Variants in ZNF618 observed in about 807,000 individuals in gnomAD.
ZNF618 encodes the protein neural precursor cell expressed, developmentally down-regulated 10.
In ZNF618, 34 loss-of-function variants were observed where a neutral mutation model predicts 103.0. That is an observed-to-expected ratio of 0.33 (90% CI 0.25 to 0.44). The LOEUF is 0.44. Among genes scored for constraint, ZNF618 ranks in the 20% least tolerant of loss-of-function variants. The probability of loss-of-function intolerance (pLI) is 1.00; values close to 1 mark genes in which losing one functional copy is unlikely to be tolerated. For missense variants in ZNF618, 1,059 were observed against 1,295.4 expected (o/e 0.82, Z 2.80); for synonymous variants, 551 against 542.2 (o/e 1.02, Z -0.23).
At chr9:114,002,733 G>A (rs1841364352) in intron 6 of ZNF618, 71 bp downstream of exon 6, 1 of 1,549,802 alleles carries the variant, frequency 6.5e-7, no homozygotes, top group Non-Finnish European at 8.8e-7. Flanking sequence ...GGAGCTGCTT[G>A]TCCCCTCCCC....
At chr9:114,048,592 C>G in intron 14 of ZNF618, 59 bp from the exon 15 acceptor site, 1 of 1,527,830 alleles carries the variant, frequency 6.5e-7, no homozygotes, top group Non-Finnish European at 8.9e-7. Flanking sequence ...AGGCTACTGC[C>G]ACTCCAAGCA....
chr9:113,934,862 C>T (rs978376968), intron 1 of ZNF618, among the ~76,000 whole-genome samples: 5 of 152,180 alleles, frequency 3.3e-5, no homozygotes, highest in South Asian at 2.1e-4. Flanking sequence ...GGCTGGGGAC[C>T]GCCAGAGTAT....
chr9:113,905,342 A>C (rs1377240335), intron 1 of ZNF618, among the ~76,000 whole-genome samples: 1 of 152,142 alleles, frequency 6.6e-6, no homozygotes, highest in Non-Finnish European at 1.5e-5. Flanking sequence ...GAGGCTTGCT[A>C]TTCAGCCTTG....
chr9:114,001,853 T>C (rs1043415496), intron 4 of ZNF618, 143 bp from the exon 5 acceptor site: 2 of 735,810 alleles, frequency 2.7e-6, no homozygotes, highest in Admixed American at 3.9e-5. Context: ...TCGTGACTTC[T>C]AGCTCGGTGC....
At chr9:113,934,085 A>C (rs1415644605) in intron 1 of ZNF618, among the ~76,000 whole-genome samples, 1 of 152,168 alleles carries the variant, frequency 6.6e-6, no homozygotes, top group Non-Finnish European at 1.5e-5. Context: ...CTGATTGATC[A>C]GAGTCAGATG....
chr9:114,045,729 A>G (rs1456571647), intron 13 of ZNF618, among the ~76,000 whole-genome samples: 1 of 152,022 alleles, frequency 6.6e-6, no homozygotes, highest in Non-Finnish European at 1.5e-5. Flanking sequence ...TTTCAGGATC[A>G]GCTTGTCAGT....
chr9:113,971,582 A>C (rs1837971287), intron 2 of ZNF618, among the ~76,000 whole-genome samples: 1 of 151,836 alleles, frequency 6.6e-6, no homozygotes, highest in Non-Finnish European at 1.5e-5. Flanking sequence ...AGCACCACCC[A>C]CCCCTCGTCA....
At chr9:113,913,050 A>T (rs1831703405) in intron 1 of ZNF618, among the ~76,000 whole-genome samples, 1 of 152,048 alleles carries the variant, frequency 6.6e-6, no homozygotes, top group Admixed American at 6.6e-5. Flanking sequence ...CTGTCAGGGC[A>T]AGTGATCTAT....
At chr9:113,914,716 A>G (rs1404406010) in intron 1 of ZNF618, among the ~76,000 whole-genome samples, 1 of 152,226 alleles carries the variant, frequency 6.6e-6, no homozygotes, top group Non-Finnish European at 1.5e-5. Context: ...GGGTGTAACA[A>G]GATAGAGAGG....
At chr9:113,969,022 A>G (rs1837696389) in intron 1 of ZNF618, 95 bp from the exon 2 acceptor site, 1 of 1,394,924 alleles carries the variant, frequency 7.2e-7, no homozygotes, top group Non-Finnish European at 1.0e-6. Flanking sequence ...CACAGTGTGA[A>G]GGCTGGTATT....
chr9:113,977,623 G>C (rs1838601320), intron 2 of ZNF618, among the ~76,000 whole-genome samples: 1 of 152,182 alleles, frequency 6.6e-6, no homozygotes, highest in African/African-American at 2.4e-5. Flanking sequence ...TGGCCCCTCA[G>C]AGAACAGTGT....
At chr9:114,001,016 G>T (rs1841145477) in intron 4 of ZNF618, among the ~76,000 whole-genome samples, 1 of 152,200 alleles carries the variant, frequency 6.6e-6, no homozygotes, top group Non-Finnish European at 1.5e-5. Flanking sequence ...ACGCTCCCTG[G>T]CTATTCTGTT....
chr9:114,009,408 C>G (rs958023382), intron 9 of ZNF618, among the ~76,000 whole-genome samples: 2 of 152,126 alleles, frequency 1.3e-5, no homozygotes, highest in South Asian at 2.1e-4. Flanking sequence ...GAGAATGAGC[C>G]AGAGAGTTTT....
intron 1 of ZNF618, among the ~76,000 whole-genome samples, chr9:113,885,442 G>A (rs1286569167): frequency 6.6e-6 from 1 of 152,240 alleles, no homozygotes; most frequent in Non-Finnish European, 1.5e-5. Context: ...TGCTGGGTAA[G>A]TTGTGTAAAC....
chr9:114,017,185 C>T (rs1842718871), intron 10 of ZNF618, among the ~76,000 whole-genome samples: 1 of 152,172 alleles, frequency 6.6e-6, no homozygotes, highest in South Asian at 2.1e-4. Flanking sequence ...CATGAAGGAG[C>T]CCGGGCTAGG....
At chr9:113,959,581 C>A (rs528117178) in intron 1 of ZNF618, among the ~76,000 whole-genome samples, 156 of 152,232 alleles carry the variant, frequency 1.0e-3, no homozygotes, top group African/African-American at 3.5e-3. Context: ...TACCTCTCTG[C>A]GGATTTCCCC....
chr9:114,000,332 G>A (rs1205486428), intron 4 of ZNF618, among the ~76,000 whole-genome samples: 2 of 152,138 alleles, frequency 1.3e-5, no homozygotes, highest in Non-Finnish European at 2.9e-5. Context: ...GTGAAAGGTT[G>A]TGTCCGAGAT....
At chr9:113,901,570 C>T (rs1042185909) in intron 1 of ZNF618, among the ~76,000 whole-genome samples, 2 of 152,206 alleles carry the variant, frequency 1.3e-5, no homozygotes, top group African/African-American at 4.8e-5. Context: ...TTTTCCGGGA[C>T]ATGCTAAACC....
intron 13 of ZNF618, among the ~76,000 whole-genome samples, chr9:114,042,226 G>A (rs1588443391): frequency 6.6e-6 from 1 of 152,244 alleles, no homozygotes; most frequent in Non-Finnish European, 1.5e-5. Context: ...GCTAATCGCT[G>A]TTACCAACTT....
Sources: allele counts gnomAD v4.1 joint callset (sites outside exome capture counted in the v4.1 genomes callset), GRCh38; gene constraint gnomAD v4.1.1; transcripts MANE v1.5; gene names NCBI Gene and HGNC (gene_info 2026-07-23, HGNC 2026-07-21).